The following HMGB1 variants were observed in gnomAD, a reference collection of about 807,000 sequenced individuals.
The protein encoded by HMGB1 is high mobility group box 1, also known as high mobility group protein B1.
For missense variants in HMGB1, 79 were observed against 253.5 expected (o/e 0.31, Z 4.67); for synonymous variants, 81 against 84.0 (o/e 0.96, Z 0.19).
At chr13:30,584,414 T>C (rs1871054030) in intron 1 of HMGB1, among the ~76,000 whole-genome samples, 1 of 152,206 alleles carries the variant, frequency 6.6e-6, no homozygotes, top group South Asian at 2.1e-4. Flanking sequence ...TGCTACATTA[T>C]TCCAATTTAT....
rs373031482 is a variant in HMGB1, at chr13:30,550,632, C to T, written c.-15+66039G>A. Among the ~76,000 whole-genome samples, 7 of 152,178 alleles carry T rather than the reference C, an allele frequency of 4.6e-5. 1 individual carries two copies. The East Asian group carries it at 7.7e-4, about 17-fold the overall frequency. On this transcript the variant is annotated intron_variant, in intron 1 of 4. Coordinates refer to the HMGB1 transcript ENST00000405805. ...CCGAGGGACCCTCGGATGACACACTCGGGCCACCTCCTCTTTTGCCTGTGT... is the reference window on the plus strand; with the variant it reads ...CCGAGGGACCCTCGGATGACACACTTGGGCCACCTCCTCTTTTGCCTGTGT...
At chr13:30,617,418 G>C (rs929337671) in exon 1 of HMGB1, 2 of 152,022 alleles carry the variant, frequency 1.3e-5, no homozygotes, top group Non-Finnish European at 2.9e-5. Context: ...GCGCGGCCCA[G>C]CTGTGAAGGC....
chr13:30,555,632 T>TAA (rs1869655199), intron 1 of HMGB1, among the ~76,000 whole-genome samples: 1 of 152,224 alleles, frequency 6.6e-6, no homozygotes, highest in Admixed American at 6.5e-5. Flanking sequence ...TAATTATTTT[T>TAA]AAAAAGAATC....
chr13:30,521,536 GTA>G (rs1194355179), intron 1 of HMGB1, among the ~76,000 whole-genome samples: 1 of 152,164 alleles, frequency 6.6e-6, no homozygotes, highest in Non-Finnish European at 1.5e-5. Flanking sequence ...CCATGTTGTA[GTA>G]TATGAGCCCT....
At chr13:30,604,043 C>T (rs180841806) in intron 1 of HMGB1, among the ~76,000 whole-genome samples, 248 of 151,660 alleles carry the variant, frequency 1.6e-3, no homozygotes, top group African/African-American at 5.7e-3. Context: ...ACATGTAAAG[C>T]GGTGATAATG....
At chr13:30,489,733 C>CTTTT (rs1437282347) in intron 1 of HMGB1, among the ~76,000 whole-genome samples, 2 of 138,420 alleles carry the variant, frequency 1.4e-5, no homozygotes. Flanking sequence ...AATGGAATTT[C>CTTTT]TTTTTTTTTT....
chr13:30,496,506 A>C (rs993236664), intron 1 of HMGB1, among the ~76,000 whole-genome samples: 1 of 152,234 alleles, frequency 6.6e-6, no homozygotes, highest in Non-Finnish European at 1.5e-5. Context: ...TTGCAAAAGT[A>C]CATGGCAGTT....
Position 30,489,569 on chromosome 13 carries a change from C to T in HMGB1, c.-14-25875G>A, listed in dbSNP as rs137897894. On this transcript the variant is annotated intron_variant, in intron 1 of 4. Transcript: ENST00000405805. The stretch of plus-strand genomic sequence containing the variant: ...TAGCTATGTATTTGACCTAATAGCA[C>T]GTGTAGCTCTCACTAGGAGGAGGAA... Among the ~76,000 whole-genome samples the T allele has an allele frequency of 2.7e-3, 408 of 152,156 alleles. 3 individuals carry two copies. Among genetic ancestry groups the T allele is most frequent in the African/African-American group, 8.7e-3 (362 of 41,524 alleles).
At chr13:30,489,330 C>G (rs1380301405) in intron 1 of HMGB1, among the ~76,000 whole-genome samples, 3 of 152,070 alleles carry the variant, frequency 2.0e-5, no homozygotes, top group Non-Finnish European at 4.4e-5. Context: ...ACCCCCATCT[C>G]AAACACATGA....
intron 1 of HMGB1, chr13:30,554,053 C>A: frequency 1.4e-6 from 2 of 1,386,614 alleles, no homozygotes; most frequent in Non-Finnish European, 2.0e-6. Context: ...CAGTACTGGC[C>A]AACAGATGAC....
intron 1 of HMGB1, among the ~76,000 whole-genome samples, chr13:30,518,550 C>T (rs1246209020): frequency 6.6e-6 from 1 of 152,114 alleles, no homozygotes; most frequent in Non-Finnish European, 1.5e-5. Context: ...ATTCCTTAAC[C>T]TCAGTTTCCT....
intron 1 of HMGB1, among the ~76,000 whole-genome samples, chr13:30,484,713 AAGAGAGAAAGAGAG>A (rs1249066421): frequency 1.3e-5 from 2 of 152,056 alleles, no homozygotes; most frequent in African/African-American, 4.8e-5. Flanking sequence ...CAAAAAAAGA[AAGAGAGAAAGAGAG>A]AGAGAGAAAA....
chr13:30,538,693 C>T (rs9315021), intron 1 of HMGB1, among the ~76,000 whole-genome samples: 5 of 111,888 alleles, frequency 4.5e-5, no homozygotes, highest in African/African-American at 1.2e-4. Context: ...TCCTTTCTTT[C>T]TTTCTTTCTT....
At chr13:30,583,272 C>T (rs1224204867) in intron 1 of HMGB1, among the ~76,000 whole-genome samples, 1 of 152,062 alleles carries the variant, frequency 6.6e-6, no homozygotes, top group African/African-American at 2.4e-5. Flanking sequence ...ATGGTTCATG[C>T]CTGTAATCTC....
At chr13:30,584,934 T>C (rs998188862) in intron 1 of HMGB1, among the ~76,000 whole-genome samples, 17 of 152,192 alleles carry the variant, frequency 1.1e-4, no homozygotes, top group South Asian at 1.0e-3. Flanking sequence ...GATCACTTGA[T>C]ACCAGGAATT....
chr13:30,577,994 T>C (rs1287506123), intron 1 of HMGB1, among the ~76,000 whole-genome samples: 2 of 152,108 alleles, frequency 1.3e-5, no homozygotes, highest in Non-Finnish European at 2.9e-5. Context: ...ACAGGTGAAC[T>C]TTCCACTCCA....
intron 1 of HMGB1, among the ~76,000 whole-genome samples, chr13:30,552,506 C>A (rs907371386): frequency 6.6e-6 from 1 of 152,232 alleles, no homozygotes; most frequent in Non-Finnish European, 1.5e-5. Context: ...CCCACACCCC[C>A]TCTCTGTCCA....
chr13:30,479,280 CTT>C (rs1887173748), intron 1 of HMGB1, among the ~76,000 whole-genome samples: 2 of 152,304 alleles, frequency 1.3e-5, no homozygotes, highest in South Asian at 4.1e-4. Context: ...ACCAACTCTT[CTT>C]AGAGGCGTTT....
intron 1 of HMGB1, chr13:30,465,056 AG>A (rs1335057625): frequency 3.3e-5 from 20 of 614,454 alleles, no homozygotes; most frequent in Non-Finnish European, 3.2e-5. Context: ...GAAAAGAGAG[AG>A]GAAAAAAAAA....
Sources: gnomAD v4.1 joint callset for allele counts (sites outside exome capture counted in the v4.1 genomes callset) on GRCh38, gnomAD v4.1.1 for gene constraint, MANE v1.5 for transcripts, NCBI Gene and HGNC (gene_info 2026-07-23, HGNC 2026-07-21) for gene names.